The following CEBPZ variants were observed in gnomAD, a reference collection of about 807,000 sequenced individuals.
The protein encoded by CEBPZ is CCAAT enhancer binding protein zeta.
A neutral mutation model predicts 104.5 loss-of-function variants in CEBPZ; 78 were observed. That is an observed-to-expected ratio of 0.75 (90% confidence interval 0.62 to 0.90). The LOEUF is 0.90. Among genes scored for constraint, CEBPZ ranks in the 40% least tolerant of loss-of-function variants. The pLI, the probability that CEBPZ is intolerant of heterozygous loss-of-function variation, is 0.00. For missense variants in CEBPZ, 1,439 were observed against 1,233.5 expected (o/e 1.17, Z -2.50); for synonymous variants, 470 against 427.0 (o/e 1.10, Z -1.24).
intron 13 of CEBPZ, chr2:37,204,277 ATTT>A (rs531479622): frequency 6.4e-5 from 7 of 109,280 alleles, no homozygotes; most frequent in Non-Finnish European, 1.3e-4. Flanking sequence ...CTAATTTTTG[ATTT>A]TTTTTTTTTT....
At chr2:37,221,935 A>G (rs193242028) in intron 4 of CEBPZ, among the ~76,000 whole-genome samples, 11 of 152,264 alleles carry the variant, frequency 7.2e-5, no homozygotes, top group African/African-American at 2.6e-4. Context: ...TGTATAGAAA[A>G]CCACTTAACG....
At position 37,213,743 on chromosome 2, in the gene CEBPZ, T is replaced by A. The variant is rs1327302054; in HGVS notation, c.2545+121A>T. ...ATATTTCTTAATCTTCCACTGTGAT[T>A]TGCATGATATTCTTAGCTAAGTGAT... On this transcript the variant is annotated intron_variant, in intron 10 of 15. Transcript: ENST00000234170. 4.6e-6 allele frequency: 3 copies of A among 653,976 alleles called. No individual in the cohort carries two copies. The African/African-American group carries it at 5.8e-5, about 13-fold the overall frequency. 40.5% of individuals were successfully genotyped at this position (653,976 alleles called of 1,614,324 possible).
At chr2:37,209,549 C>T (rs1446656384) in intron 13 of CEBPZ, 3 of 152,292 alleles carry the variant, frequency 2.0e-5, no homozygotes, top group African/African-American at 7.2e-5. Context: ...GGAAAGGACA[C>T]CCTATTGAAC....
intron 5 of CEBPZ, among the ~76,000 whole-genome samples, chr2:37,217,784 C>G (rs954586342): frequency 6.6e-6 from 1 of 151,018 alleles, no homozygotes; most frequent in Admixed American, 6.6e-5. Context: ...TGCCTGTAGT[C>G]CCAGCTACTC....
chr2:37,223,253 G>T lies in CEBPZ; in HGVS notation c.1798C>A (p.Pro600Thr), dbSNP rs772979003. The T allele has an allele frequency of 6.2e-7, 1 of 1,614,096 alleles. No individual in the cohort carries two copies. The highest frequency in any genetic ancestry group is 8.5e-7 in the Non-Finnish European group (1 of 1,180,002). The stretch of plus-strand genomic sequence containing the variant: ...AGATATAAAGCTCCACATATAAATG[G>T]TGGCATCTGTTGACAAGTAACTTGA... ...LLQVTCQQMP[P>T]FICGALYLVS... The change falls in exon 3 of 16, where the codon CCA becomes ACA. Residue 600 changes from proline (P) to threonine (T), a missense_variant. Physicochemically the swap from Pro to Thr is conservative, Grantham distance 38. Coordinates refer to ENST00000234170, the MANE Select transcript of CEBPZ (RefSeq NM_005760.3).
chr2:37,220,049 T>C (rs1664731712), intron 5 of CEBPZ, among the ~76,000 whole-genome samples: 2 of 152,222 alleles, frequency 1.3e-5, no homozygotes. Context: ...CCGGGCGCAG[T>C]GGCTCATGCC....
intron 5 of CEBPZ, among the ~76,000 whole-genome samples, chr2:37,219,910 A>T (rs566525057): frequency 2.6e-5 from 4 of 152,330 alleles, no homozygotes; most frequent in African/African-American, 9.6e-5. Flanking sequence ...ATTTTCTACA[A>T]AATGAACACT....
intron 8 of CEBPZ, 104 bp from the exon 9 acceptor site, chr2:37,215,056 C>T: frequency 1.3e-6 from 1 of 776,602 alleles, no homozygotes; most frequent in East Asian, 2.7e-5. Flanking sequence ...CTAAAAATCT[C>T]AGAATTGTGT....
chr2:37,227,334 G>A (rs1031708231), intron 2 of CEBPZ, among the ~76,000 whole-genome samples: 1 of 152,174 alleles, frequency 6.6e-6, no homozygotes, highest in African/African-American at 2.4e-5. Context: ...CTCTCAAAAT[G>A]AAAAATGTAT....
rs780294911 is a variant in CEBPZ, at chr2:37,211,932, C to T, written c.2711G>A (p.Gly904Glu). 1.7e-5 allele frequency: 27 copies of T among 1,613,574 alleles called. No individual in the cohort carries two copies. The highest frequency in any genetic ancestry group is 2.7e-5 in the African/African-American group (2 of 74,912). The stretch of plus-strand genomic sequence containing the variant: ...AGCAAATTCTTCATCATCCATACTT[C>T]CTAAAGAAACTTCATCGTCATCCAG... The part of the protein sequence containing the change: ...GNLDDDEVSL[G>E]SMDDEEFAEV... Residue 904 changes from glycine (G) to glutamate (E), a missense_variant, in exon 12 of 16, where the codon GGA (glycine) becomes GAA (glutamate). Transcript: ENST00000234170.
Position 37,222,526 on chromosome 2 carries a change from T to C in CEBPZ, c.1919A>G (p.Asp640Gly). The change falls in exon 4 of 16, where the codon GAT becomes GGT. Residue 640 changes from aspartate (D) to glycine (G), a missense_variant. Coordinates refer to ENST00000234170, the MANE Select transcript of CEBPZ (RefSeq NM_005760.3). ...AGTGAATTTTTCCATGTCTTCATCA[T>C]CATTTGCATCAATAAAATTTTCTTC... ...DDEENFIDAN[D>G]DEDMEKFTDA... is the part of the protein sequence containing the mutation. The C allele has an allele frequency of 1.3e-6, 2 of 1,591,972 alleles. No individual in the cohort carries two copies. Among genetic ancestry groups the C allele is most frequent in the Non-Finnish European group, 1.7e-6 (2 of 1,174,398 alleles).
chr2:37,202,253 T>C (rs970929048), intron 15 of CEBPZ: 1 of 175,672 alleles, frequency 5.7e-6, no homozygotes, highest in African/African-American at 2.4e-5. Flanking sequence ...TTTTTTTTTT[T>C]GCTTTAGTCT....
chr2:37,212,311 A>G, intron 11 of CEBPZ, 24 bp downstream of exon 11: 1 of 1,600,074 alleles, frequency 6.2e-7, no homozygotes, highest in Non-Finnish European at 8.6e-7. Context: ...GAAAAATAGG[A>G]AGGAGAAGAT....
rs757307902 is a variant in CEBPZ, at chr2:37,228,576, T to G, written c.617A>C (p.Lys206Thr). Reference protein sequence around the residue: ...PQPQDVVSKYKTLAQKLYQHE... With the variant: ...PQPQDVVSKYTTLAQKLYQHE... ...CTGATACAGCTTCTGAGCAAGGGTTTTGTACTTAGATACAACATCCTGAGG... is the reference window on the plus strand; with the variant it reads ...CTGATACAGCTTCTGAGCAAGGGTTGTGTACTTAGATACAACATCCTGAGG... The change falls in exon 2 of 16, where the codon AAA becomes ACA. Residue 206 changes from lysine to threonine, a missense_variant. Lys to Thr is a moderately conservative substitution (Grantham distance 78, BLOSUM62 -1). Transcript: ENST00000234170. 4.3e-6 allele frequency: 7 copies of G among 1,614,214 alleles called. No individual in the cohort carries two copies. The highest frequency in any genetic ancestry group is 5.9e-6 in the Non-Finnish European group (7 of 1,180,034).
intron 1 of CEBPZ, among the ~76,000 whole-genome samples, chr2:37,230,165 T>C (rs1270191122): frequency 6.6e-6 from 1 of 152,176 alleles, no homozygotes; most frequent in Non-Finnish European, 1.5e-5. Flanking sequence ...TATGCAGCCA[T>C]AGCAATGACA....
intron 10 of CEBPZ, chr2:37,212,745 G>A (rs1677763163): frequency 5.1e-6 from 1 of 196,734 alleles, no homozygotes; most frequent in Admixed American, 5.8e-5. Context: ...GATACAATAT[G>A]TAACATCTCA....
At chr2:37,210,690 A>C (rs900247620) in intron 13 of CEBPZ, 3 of 246,932 alleles carry the variant, frequency 1.2e-5, no homozygotes, top group South Asian at 5.6e-5. Flanking sequence ...TGATGGGTGC[A>C]CCAAAATCTC....
In CEBPZ at chr2:37,205,922, G is replaced by A. The variant is rs74911265; in HGVS notation, c.2885-2914C>T. Among the ~76,000 whole-genome samples, 17 of 152,304 alleles carry A rather than the reference G, an allele frequency of 1.1e-4. No homozygotes were observed. In the East Asian group the frequency reaches 3.3e-3, roughly 29 times the overall value. Reference sequence around the variant, plus strand: ...TCATAATAAAGGAGCATGGATTATTGCAAGGGTCAAATGGCAAATAATGGT... The same window carrying A: ...TCATAATAAAGGAGCATGGATTATTACAAGGGTCAAATGGCAAATAATGGT... On this transcript the variant is annotated intron_variant, in intron 13 of 15. Transcript: ENST00000234170.
chr2:37,223,382 A>C lies in CEBPZ; in HGVS notation c.1669T>G (p.Leu557Val). ...ATAGCTTGCTTGGAACACGTCATCA[A>C]CCCTGGATCCAACATCTTCCTGCAA... ...ALYRKMLDPGLMTCSKQAMFL... is the reference protein window; with the variant it reads ...ALYRKMLDPGVMTCSKQAMFL... Residue 557 changes from leucine to valine, a missense_variant, in exon 3 of 16, where the codon TTG becomes GTG. Physicochemically the swap from Leu to Val is conservative, Grantham distance 32 (BLOSUM62 1). Transcript: ENST00000234170. 6.2e-7 allele frequency: 1 copy of C among 1,613,972 alleles called. No individual in the cohort carries two copies. The highest frequency in any genetic ancestry group is 8.5e-7 in the Non-Finnish European group (1 of 1,179,886).
Sources: allele counts gnomAD v4.1 joint callset (sites outside exome capture counted in the v4.1 genomes callset), GRCh38; gene constraint gnomAD v4.1.1; transcripts MANE v1.5; gene names NCBI Gene and HGNC (gene_info 2026-07-23, HGNC 2026-07-21).